Variants in P2RX4 observed in about 807,000 individuals in gnomAD.
P2RX4 encodes the protein P2X purinoceptor 4.
A neutral mutation model predicts 48.0 loss-of-function variants in P2RX4; 37 were observed. The observed-to-expected ratio is 0.77, with a 90% confidence interval of 0.59 to 1.01. The LOEUF (loss-of-function observed/expected upper bound fraction) is 1.01. P2RX4 is among the 50% of genes least tolerant of loss of function. P2RX4 has a pLI of 0.00. For synonymous variants in P2RX4, 200 were observed against 199.7 expected, an observed-to-expected ratio of 1.00 and a Z score of -0.01; for missense variants, 501 against 521.4, an observed-to-expected ratio of 0.96 and a Z score of 0.38.
rs779652723 is a variant in P2RX4 at position 121,222,084 on chromosome 12, CT to C, written c.355-5del. On this transcript the variant is annotated splice_polypyrimidine_tract_variant and intron_variant, in intron 3 of 11. Transcript: ENST00000337233. ...CACGTGGACTTTCTTTTCGCTCCTT[CT>C]TTTTCCAGATTCCAGATGCGACCAC... The C allele has an allele frequency of 1.9e-6, 3 of 1,611,296 alleles. No individual in the cohort carries two copies. Among genetic ancestry groups the C allele is most frequent in the Non-Finnish European group, 2.5e-6 (3 of 1,178,180 alleles).
At position 121,232,442 on chromosome 12, in the gene P2RX4, G is replaced by A; in HGVS notation, c.913G>A (p.Gly305Ser). ...RFAKYYRDLAGNEQRTLIKAY... is the reference protein window; with the variant it reads ...RFAKYYRDLASNEQRTLIKAY... ...TGCCAAGTACTACAGAGACCTGGCT[G>A]GCAACGAGCAGCGCACGCTCATCAA... Residue 305 changes from glycine to serine, a missense_variant, in exon 9 of 12, where the codon GGC (glycine) becomes AGC (serine). Around this residue, in one of 3 missense-constraint regions of P2RX4, gnomAD observed 197 missense variants for 219.5 expected, o/e 0.90. Transcript: ENST00000337233. This position sits in a 1 kb window ranked among gnomAD's most constrained non-coding sequence, Gnocchi z 4.3. The A allele has an allele frequency of 1.9e-6, 3 of 1,614,006 alleles. No individual in the cohort carries two copies. The highest frequency in any genetic ancestry group is 1.7e-6 in the Non-Finnish European group (2 of 1,179,894).
chr12:121,222,602 G>A (rs1203012676), intron 4 of P2RX4: 12 of 505,242 alleles, frequency 2.4e-5, no homozygotes, highest in Non-Finnish European at 4.1e-5. Flanking sequence ...TGGTAGAGAT[G>A]GGTTTTACCA....
Position 121,232,167 on chromosome 12 carries a change from T to C in P2RX4, c.885-247T>C, listed in dbSNP as rs184578701. On this transcript the variant is annotated intron_variant, in intron 8 of 11. Coordinates refer to ENST00000337233, the MANE Select transcript of P2RX4 (RefSeq NM_002560.3). This position sits in a 1 kb window ranked among gnomAD's most constrained non-coding sequence, Gnocchi z 4.3. ...ACCAGGTGGGATGTTGAGAGCAAAC[T>C]GTTCAGGTTCAGGAGAGGACACTGG... Among the ~76,000 whole-genome samples, 12 of 152,186 alleles carry C rather than the reference T, an allele frequency of 7.9e-5. No individual in the cohort carries two copies. Among genetic ancestry groups the C allele is most frequent in the Non-Finnish European group, 1.5e-4 (10 of 67,996 alleles).
At chr12:121,228,334 G>C (rs1319167332) in intron 5 of P2RX4, among the ~76,000 whole-genome samples, 199 bp from the exon 6 acceptor site, 1 of 135,388 alleles carries the variant, frequency 7.4e-6, no homozygotes, top group Non-Finnish European at 1.5e-5. Flanking sequence ...TTGCACTCAA[G>C]CCTGCACTCG....
At chr12:121,218,081 G>C (rs553890834) in intron 2 of P2RX4, among the ~76,000 whole-genome samples, 3 of 152,236 alleles carry the variant, frequency 2.0e-5, no homozygotes, top group East Asian at 1.9e-4. Context: ...CTCTTGCCAG[G>C]GAAAACAAGA....
intron 2 of P2RX4, among the ~76,000 whole-genome samples, chr12:121,220,806 C>T (rs1013459965): frequency 1.4e-4 from 22 of 152,174 alleles, no homozygotes; most frequent in African/African-American, 5.3e-4. Context: ...CCCCACTTCT[C>T]TCACTCCCTG....
In P2RX4 at chr12:121,227,941, T is replaced by A. The variant is rs539717881; in HGVS notation, c.525-592T>A. Among the ~76,000 whole-genome samples the A allele has an allele frequency of 8.5e-3, 1,261 of 148,074 alleles. 15 individuals are homozygous for A. Among genetic ancestry groups the A allele is most frequent in the South Asian group, 0.06 (281 of 4,694 alleles). ...TGTCTACAAAAAAAAAAAAAAAAAA[T>A]TTCATTAGCCAGGCATGGTGATGCA... On this transcript the variant is annotated intron_variant, in intron 5 of 11. Transcript: ENST00000337233.
chr12:121,212,603 C>A (rs1238923119), intron 1 of P2RX4, among the ~76,000 whole-genome samples: 1 of 148,338 alleles, frequency 6.7e-6, no homozygotes, highest in Non-Finnish European at 1.5e-5. Flanking sequence ...GCCTGGCCAA[C>A]ATGGTAAAAC....
chr12:121,210,940 C>G (rs1469559447), intron 1 of P2RX4, among the ~76,000 whole-genome samples: 1 of 152,238 alleles, frequency 6.6e-6, no homozygotes, highest in Non-Finnish European at 1.5e-5. Context: ...CTTGGAATTT[C>G]CGCTTGGTTC....
chr12:121,216,463 C>T (rs1293471458), intron 1 of P2RX4: 1 of 172,828 alleles, frequency 5.8e-6, no homozygotes, highest in African/African-American at 2.4e-5. Context: ...CCTATAAACA[C>T]TCCAGTGGTA....
chr12:121,216,067 A>G (rs1886209632), intron 1 of P2RX4: 1 of 152,230 alleles, frequency 6.6e-6, no homozygotes, highest in Non-Finnish European at 1.5e-5. Flanking sequence ...TAAATATGCT[A>G]ACACTAACAA....
intron 1 of P2RX4, among the ~76,000 whole-genome samples, chr12:121,212,487 G>T (rs1036814209): frequency 1.5e-5 from 2 of 131,414 alleles, no homozygotes; most frequent in East Asian, 4.5e-4. Flanking sequence ...GCAAAAAAAA[G>T]AATTTTTTTT....
At chr12:121,225,111 C>T (rs1416121060) in intron 5 of P2RX4, among the ~76,000 whole-genome samples, 3 of 143,326 alleles carry the variant, frequency 2.1e-5, no homozygotes, top group South Asian at 2.2e-4. Flanking sequence ...CTCGCTCTGT[C>T]GCCCAGGCTG....
rs972189790 is a variant in P2RX4 at position 121,210,252 on chromosome 12, C to T, written c.88C>T (p.Leu30Phe). 5 of 1,561,108 alleles carry T rather than the reference C, an allele frequency of 3.2e-6. No individual in the cohort carries two copies. The highest frequency in any genetic ancestry group is 2.6e-5 in the East Asian group (1 of 38,010). ...IVLIRSRKVGLMNRAVQLLIL... is the reference protein window; with the variant it reads ...IVLIRSRKVGFMNRAVQLLIL... ...GCTCATCCGCAGCCGCAAAGTGGGG[C>T]TCATGAACCGCGCCGTGCAACTGCT... Residue 30 changes from leucine (L) to phenylalanine (F), a missense_variant, in exon 1 of 12, where the codon CTC becomes TTC. Leu to Phe is a conservative substitution (Grantham distance 22). Transcript: ENST00000337233.
rs893000905 is a variant in P2RX4 at position 121,228,319 on chromosome 12, C to T, written c.525-214C>T. On this transcript the variant is annotated intron_variant, in intron 5 of 11. Coordinates refer to ENST00000337233, the MANE Select transcript of P2RX4 (RefSeq NM_002560.3). ...CTGAGGTGGCAGTGAGCTGAGATCG[C>T]GCCATTGCACTCAAGCCTGCACTCG... is the stretch of plus-strand genomic sequence containing the variant. Among the ~76,000 whole-genome samples, 6 of 146,124 alleles carry T rather than the reference C, an allele frequency of 4.1e-5. No individual in the cohort carries two copies. In the Admixed American group the frequency reaches 4.3e-4, roughly 10 times the overall value.
At position 121,229,160 on chromosome 12, in the gene P2RX4, C is replaced by T. The variant is rs1887190200; in HGVS notation, c.884+61C>T. The T allele has an allele frequency of 3.8e-6, 6 of 1,598,958 alleles. No individual in the cohort carries two copies. The highest frequency in any genetic ancestry group is 1.7e-5 in the Admixed American group (1 of 59,942). Reference sequence around the variant, plus strand: ...GGGGGTGCTGGTGGCTGCGTACGTGCCAGTGGGCCGCCCACTGAAGACCAG... The same window carrying T: ...GGGGGTGCTGGTGGCTGCGTACGTGTCAGTGGGCCGCCCACTGAAGACCAG... On this transcript the variant is annotated intron_variant, in intron 8 of 11. Coordinates refer to ENST00000337233, the MANE Select transcript of P2RX4 (RefSeq NM_002560.3). This position sits in a 1 kb window ranked among gnomAD's most constrained non-coding sequence, Gnocchi z 4.6.
chr12:121,221,149 CGTGTGTCT>C (rs1156426778), intron 2 of P2RX4, among the ~76,000 whole-genome samples: 4 of 125,186 alleles, frequency 3.2e-5, no homozygotes, highest in Admixed American at 2.5e-4. Flanking sequence ...TTTGTGTGTG[CGTGTGTCT>C]GTGTGTGTTT....
chr12:121,217,028 A>G lies in P2RX4; in HGVS notation c.135-106A>G, dbSNP rs187663735. The G allele has an allele frequency of 1.1e-4, 121 of 1,119,988 alleles. No individual in the cohort carries two copies. In the African/African-American group the frequency reaches 1.4e-3, roughly 13 times the overall value. 69.4% of individuals were successfully genotyped at this position (1,119,988 alleles called of 1,614,324 possible). On this transcript the variant is annotated intron_variant, in intron 1 of 11. Coordinates refer to ENST00000337233, the MANE Select transcript of P2RX4 (RefSeq NM_002560.3). ...GTACGTAGCTTGTAGAAAGTCATGT[A>G]ATTAGTCAACATCGTACTTCCAGCC...
intron 4 of P2RX4, 167 bp downstream of exon 4, chr12:121,222,333 C>T: frequency 1.6e-6 from 1 of 613,488 alleles, no homozygotes; most frequent in Non-Finnish European, 2.9e-6. Context: ...GTCATTGGAG[C>T]CCCACAAGCC....
Sources: gnomAD v4.1 joint callset for allele counts (sites outside exome capture counted in the v4.1 genomes callset) on GRCh38, gnomAD v4.1.1 for gene constraint, gnomAD v4.1.1 regional missense constraint, Gnocchi (gnomAD v3.1) non-coding constraint, MANE v1.5 for transcripts, NCBI Gene and HGNC (gene_info 2026-07-23, HGNC 2026-07-21) for gene names.